Variants in SON observed in about 807,000 individuals in gnomAD.
SON encodes SON DNA and RNA binding protein.
SON carries 4 observed loss-of-function variants against 173.3 expected under a neutral mutation model. The ratio of observed to expected loss-of-function variants is 0.02; its 90% confidence interval spans 0.01 to 0.05. The LOEUF (loss-of-function observed/expected upper bound fraction) is 0.05. SON is among the 10% of genes least tolerant of loss of function. The pLI, the probability that SON is intolerant of heterozygous loss-of-function variation, is 1.00. For missense variants in SON, 2,626 were observed against 3,055.3 expected (o/e 0.86, Z 3.31); for synonymous variants, 1,190 against 1,105.9 (o/e 1.08, Z -1.51).
chr21:33,552,980 A>C lies in SON; in HGVS notation c.3749A>C (p.Glu1250Ala). ...TCAGAGGCTGCTGTGACTGTTCCAGAACCACCACCAGAGCCAGAATCTTCA... is the reference window on the plus strand; with the variant it reads ...TCAGAGGCTGCTGTGACTGTTCCAGCACCACCACCAGAGCCAGAATCTTCA... ...LVSEAAVTVP[E>A]PPPEPESSIT... is the part of the protein sequence containing the mutation. The change falls in exon 3 of 12, where the codon GAA (glutamate) becomes GCA (alanine). Residue 1250 changes from glutamate (E) to alanine (A), a missense_variant. Glu to Ala is a moderately radical substitution (Grantham distance 107, BLOSUM62 -1). Coordinates refer to ENST00000356577, the MANE Select transcript of SON (RefSeq NM_138927.4). The surrounding 1 kb of genome is among the most constrained non-coding windows in gnomAD (Gnocchi z 5.6). The C allele has an allele frequency of 6.2e-7, 1 of 1,609,394 alleles. No individual in the cohort carries two copies. The highest frequency in any genetic ancestry group is 1.1e-5 in the South Asian group (1 of 91,078).
intron 11 of SON, among the ~76,000 whole-genome samples, 181 bp from the exon 12 acceptor site, chr21:33,576,184 T>C (rs1162527753): frequency 0.01 from 1 of 96 alleles, no homozygotes; most frequent in East Asian, 0.25. Flanking sequence ...TTTGGAGACC[T>C]GCTCTAATTT....
At chr21:33,543,243 T>C (rs760211055) in intron 1 of SON, 74 bp downstream of exon 1, 81 of 1,355,346 alleles carry the variant, frequency 6.0e-5, no homozygotes, top group African/African-American at 1.0e-4. Flanking sequence ...GCACCTTTCT[T>C]CGGAGACGCA....
At chr21:33,566,980 C>A (rs1218639490) in intron 6 of SON, among the ~76,000 whole-genome samples, 177 bp from the exon 7 acceptor site, 1 of 152,024 alleles carries the variant, frequency 6.6e-6, no homozygotes, top group Non-Finnish European at 1.5e-5. Context: ...TATCTTAATC[C>A]TCTTCTGTTT....
chr21:33,560,604 T>A (rs2086054453), intron 6 of SON: 6 of 935,246 alleles, frequency 6.4e-6, no homozygotes, highest in Non-Finnish European at 7.6e-6. Flanking sequence ...ATCTGTATCT[T>A]TGTATGTATC....
chr21:33,547,672 T>A (rs1292619721), intron 2 of SON, among the ~76,000 whole-genome samples: 1 of 150,986 alleles, frequency 6.6e-6, no homozygotes, highest in East Asian at 2.0e-4. Context: ...TGCTTTGGCC[T>A]ATGTCAAGTG....
Position 33,552,081 on chromosome 21 carries a change from A to G in SON, c.2850A>G (p.Arg950=). The change falls in exon 3 of 12, where the codon AGA becomes AGG. Residue 950 remains arginine, a synonymous_variant. Transcript: ENST00000356577. This position sits in a 1 kb window ranked among gnomAD's most constrained non-coding sequence, Gnocchi z 5.6. ...ACAGGTTAGGACAAGACCCTTATAG[A>G]TTAGGCCATGATCCCTACAGACTAA... ...DAYRLGQDPY[R]LGHDPYRLTP... is the part of the protein sequence containing the mutation. The G allele has an allele frequency of 1.2e-6, 2 of 1,614,026 alleles. No homozygotes were observed. Among genetic ancestry groups the G allele is most frequent in the Non-Finnish European group, 8.5e-7 (1 of 1,179,992 alleles).
intron 9 of SON, 116 bp downstream of exon 9, chr21:33,573,571 T>C (rs1414677414): frequency 2.3e-6 from 2 of 864,972 alleles, no homozygotes; most frequent in East Asian, 5.3e-5. Flanking sequence ...ATACAGGTAT[T>C]TGTCAGAAAA....
rs188943648 is a variant in SON, at chr21:33,577,330, T to C, written c.*906T>C. On this transcript the variant is annotated 3_prime_UTR_variant, in exon 12 of 12. Transcript: ENST00000356577. ...TCTAATAAAATTGGCAACCAGCCAC[T>C]ATTTTGTTGACTATGAGAAAGTTAA... 3 of 152,750 alleles carry C rather than the reference T, an allele frequency of 2.0e-5. No homozygotes were observed. The highest frequency in any genetic ancestry group is 2.9e-5 in the Non-Finnish European group (2 of 68,032). The allele number at this position is 152,750 out of a possible 1,614,324, so 9.5% of individuals were successfully genotyped here. A position where few individuals can be genotyped will look rare whatever the true frequency, so the allele number is the denominator to read the frequency against.
intron 3 of SON, among the ~76,000 whole-genome samples, chr21:33,556,123 G>A (rs1328425688): frequency 1.3e-5 from 2 of 152,150 alleles, no homozygotes; most frequent in Non-Finnish European, 2.9e-5. Flanking sequence ...TCTAGGCCAG[G>A]ATTGTCTAAA....
intron 6 of SON, among the ~76,000 whole-genome samples, chr21:33,563,174 T>G (rs2086100173): frequency 2.0e-5 from 3 of 152,174 alleles, no homozygotes; most frequent in African/African-American, 7.2e-5. Context: ...ATTCTTTCCT[T>G]CCTAGATTCT....
Position 33,548,012 on chromosome 21 carries a change from A to G in SON, c.245-1464A>G, listed in dbSNP as rs371903756. The stretch of plus-strand genomic sequence containing the variant: ...TGCTGGGATTACAGGCGTGAGCCAC[A>G]GTGCCCGGCCTTTTTTCTGTAGTCT... On this transcript the variant is annotated intron_variant, in intron 2 of 11. Coordinates refer to ENST00000356577, the MANE Select transcript of SON (RefSeq NM_138927.4). 8.5e-5 allele frequency among the ~76,000 whole-genome samples: 13 copies of G among 152,104 alleles called. 1 individual carries two copies. In the South Asian group the frequency reaches 2.5e-3, roughly 29 times the overall value.
chr21:33,567,860 C>T (rs2086204108), intron 7 of SON, among the ~76,000 whole-genome samples: 1 of 152,020 alleles, frequency 6.6e-6, no homozygotes, highest in African/African-American at 2.4e-5. Context: ...TTGCAGTGAG[C>T]CAGGATCGCG....
chr21:33,554,022 T>G lies in SON; in HGVS notation c.4791T>G (p.Gly1597=). Residue 1597 remains glycine, a synonymous_variant, in exon 3 of 12, where the codon GGT becomes GGG. Transcript: ENST00000356577. ...ADAGETLSST[G]PFALEPDATG... ...CAGGAGAAACTCTATCTTCTACTGG[T>G]CCTTTTGCTCTGGAACCTGATGCAA... 2 of 1,614,128 alleles carry G rather than the reference T, an allele frequency of 1.2e-6. No homozygotes were observed. Among genetic ancestry groups the G allele is most frequent in the Non-Finnish European group, 1.7e-6 (2 of 1,180,002 alleles).
At position 33,552,068 on chromosome 21, in the gene SON, A is replaced by G; in HGVS notation, c.2837A>G (p.Gln946Arg). The G allele has an allele frequency of 6.2e-7, 1 of 1,614,084 alleles. No individual in the cohort carries two copies. The highest frequency in any genetic ancestry group is 8.5e-7 in the Non-Finnish European group (1 of 1,179,988). ...RLGHDAYRLG[Q>R]DPYRLGHDPY... Reference sequence around the variant, plus strand: ...GGTCATGATGCTTACAGGTTAGGACAAGACCCTTATAGATTAGGCCATGAT... The same window carrying G: ...GGTCATGATGCTTACAGGTTAGGACGAGACCCTTATAGATTAGGCCATGAT... The change falls in exon 3 of 12, where the codon CAA (glutamine) becomes CGA (arginine). Residue 946 changes from glutamine to arginine, a missense_variant. Coordinates refer to ENST00000356577, the MANE Select transcript of SON (RefSeq NM_138927.4). This position sits in a 1 kb window ranked among gnomAD's most constrained non-coding sequence, Gnocchi z 5.6.
At position 33,551,019 on chromosome 21, in the gene SON, G is replaced by C; in HGVS notation, c.1788G>C (p.Leu596Phe). 1.2e-6 allele frequency: 2 copies of C among 1,609,928 alleles called. No homozygotes were observed. The highest frequency in any genetic ancestry group is 1.3e-5 in the African/African-American group (1 of 74,818). ...CTGTGGCAACTGGGGCACTAGAGTT[G>C]CCTGGGCCGCTCATGGCAGCTGGGG... ...GQPVATGALE[L>F]PGPLMAAGAL... The change falls in exon 3 of 12, where the codon TTG becomes TTC. Residue 596 changes from leucine (L) to phenylalanine (F), a missense_variant. Physicochemically the swap from Leu to Phe is conservative, Grantham distance 22. Transcript: ENST00000356577.
rs746351393 is a variant in SON at position 33,551,857 on chromosome 21, T to C, written c.2626T>C (p.Leu876=). The change falls in exon 3 of 12, where the codon TTA becomes CTA. Residue 876 remains leucine, a synonymous_variant. Transcript: ENST00000356577. ...ATCTGGCACTATGGACTCTCAAATG[T>C]TAGCTTCTGGCACCATGGATGCTCA... ...LASGTMDSQM[L]ASGTMDAQML... The C allele has an allele frequency of 6.2e-7, 1 of 1,613,978 alleles. No individual in the cohort carries two copies. The highest frequency in any genetic ancestry group is 2.2e-5 in the East Asian group (1 of 44,878).
rs369410422 is a variant in SON, at chr21:33,567,879, C to T, written c.6768+612C>T. 1.1e-4 allele frequency among the ~76,000 whole-genome samples: 17 copies of T among 152,144 alleles called. No individual in the cohort carries two copies. In the East Asian group the frequency reaches 3.3e-3, roughly 29 times the overall value. Reference sequence around the variant, plus strand: ...AGTGAGCCAGGATCGCGCCACTGTACTCCAGCCTGGGCAACAGAGTGAGAC... The same window carrying T: ...AGTGAGCCAGGATCGCGCCACTGTATTCCAGCCTGGGCAACAGAGTGAGAC... On this transcript the variant is annotated intron_variant, in intron 7 of 11. Coordinates refer to ENST00000356577, the MANE Select transcript of SON (RefSeq NM_138927.4).
At chr21:33,570,433 G>A (rs1258286533) in intron 8 of SON, among the ~76,000 whole-genome samples, 1 of 152,110 alleles carries the variant, frequency 6.6e-6, no homozygotes, top group Non-Finnish European at 1.5e-5. Flanking sequence ...TACTCATTAT[G>A]CCTGCCTTTT....
intron 7 of SON, among the ~76,000 whole-genome samples, chr21:33,568,712 G>A (rs1296338996): frequency 6.6e-6 from 1 of 152,174 alleles, no homozygotes; most frequent in Non-Finnish European, 1.5e-5. Context: ...TAGTGTATCT[G>A]TGTGATAGTT....
Sources: allele counts gnomAD v4.1 joint callset (sites outside exome capture counted in the v4.1 genomes callset), GRCh38; gene constraint gnomAD v4.1.1; non-coding constraint Gnocchi (gnomAD v3.1); transcripts MANE v1.5; gene names NCBI Gene and HGNC (gene_info 2026-07-23, HGNC 2026-07-21).